The following AKAP19 variants were observed in gnomAD, a reference collection of about 807,000 sequenced individuals.
AKAP19 encodes small A-kinase anchoring protein.
chr2:190,076,135 A>G, the AKAP19 span, among the ~76,000 whole-genome samples: 2 of 152,178 alleles, frequency 1.3e-5, no homozygotes, highest in African/African-American at 4.8e-5. Flanking sequence ...AGCCTTAAGT[A>G]TTTATGCATA....
the AKAP19 span, among the ~76,000 whole-genome samples, chr2:190,085,660 A>G: frequency 6.6e-6 from 1 of 152,232 alleles, no homozygotes; most frequent in East Asian, 1.9e-4. Flanking sequence ...TAGTATGAGC[A>G]CGTTGTAGAT....
chr2:190,074,575 C>T, the AKAP19 span, among the ~76,000 whole-genome samples: 1 of 152,040 alleles, frequency 6.6e-6, no homozygotes, highest in South Asian at 2.1e-4. Context: ...CGCTTAAACC[C>T]GGGAGTTGGA....
the AKAP19 span, among the ~76,000 whole-genome samples, chr2:190,025,955 G>C: frequency 6.6e-6 from 1 of 152,054 alleles, no homozygotes; most frequent in Non-Finnish European, 1.5e-5. Flanking sequence ...CCCCAAGCAA[G>C]ACAGTCACTC....
At chr2:190,146,994 C>T in the AKAP19 span, among the ~76,000 whole-genome samples, 1 of 152,176 alleles carries the variant, frequency 6.6e-6, no homozygotes, top group Non-Finnish European at 1.5e-5. Context: ...TGCAAAAGCT[C>T]TTTAGTTTAA....
chr2:190,028,460 T>C, the AKAP19 span, among the ~76,000 whole-genome samples: 1 of 152,196 alleles, frequency 6.6e-6, no homozygotes, highest in African/African-American at 2.4e-5. Context: ...TCTTCTTAAG[T>C]GTTCATGAAA....
chr2:190,115,702 C>G, the AKAP19 span, among the ~76,000 whole-genome samples: 7 of 152,084 alleles, frequency 4.6e-5, no homozygotes, highest in Non-Finnish European at 1.0e-4. Context: ...TATTCTCAGT[C>G]CCTCCACTAG....
chr2:190,083,923 C>T, the AKAP19 span, among the ~76,000 whole-genome samples: 3,657 of 152,144 alleles, frequency 0.024, 89 homozygotes, highest in East Asian at 0.07. Flanking sequence ...GAGCAAGTTA[C>T]GGATCTTGAC....
the AKAP19 span, among the ~76,000 whole-genome samples, chr2:189,907,707 A>G: frequency 6.6e-6 from 1 of 152,110 alleles, no homozygotes; most frequent in Admixed American, 6.6e-5. Flanking sequence ...TCTGAGTAGT[A>G]GAATTATAGA....
the AKAP19 span, among the ~76,000 whole-genome samples, chr2:189,969,818 CCTCTT>C: frequency 6.8e-6 from 1 of 147,920 alleles, no homozygotes; most frequent in Non-Finnish European, 1.5e-5. Flanking sequence ...GTCCTTCCTT[CCTCTT>C]CTCTTCTCTT....
the AKAP19 span, among the ~76,000 whole-genome samples, chr2:190,182,747 G>A: frequency 6.6e-6 from 1 of 152,164 alleles, no homozygotes; most frequent in African/African-American, 2.4e-5. Context: ...GGCATTTGTA[G>A]TAAATACTCA....
the AKAP19 span, among the ~76,000 whole-genome samples, chr2:189,940,427 C>G: frequency 2.0e-5 from 3 of 149,832 alleles, no homozygotes; most frequent in Non-Finnish European, 4.4e-5. Flanking sequence ...GCCTGGGCAA[C>G]GGGGGGGAAA....
chr2:189,910,509 A>G, the AKAP19 span, among the ~76,000 whole-genome samples: 1 of 152,000 alleles, frequency 6.6e-6, no homozygotes, highest in Non-Finnish European at 1.5e-5. Flanking sequence ...TACTTTCCTA[A>G]TCAATTGTAG....
the AKAP19 span, among the ~76,000 whole-genome samples, chr2:190,137,134 A>G: frequency 6.6e-6 from 1 of 152,220 alleles, no homozygotes; most frequent in Admixed American, 6.5e-5. Flanking sequence ...TCAATAAGCT[A>G]GGCAATCCAG....
the AKAP19 span, among the ~76,000 whole-genome samples, chr2:189,963,283 C>T: frequency 6.6e-6 from 1 of 151,382 alleles, no homozygotes; most frequent in African/African-American, 2.4e-5. Flanking sequence ...CAAGCTTCAC[C>T]TCCCAGGTTC....
At chr2:189,930,267 C>T in the AKAP19 span, 1 of 405,154 alleles carries the variant, frequency 2.5e-6, no homozygotes, top group South Asian at 5.6e-5. Flanking sequence ...CACCCTGGCT[C>T]AATAGTCTAG....
the AKAP19 span, among the ~76,000 whole-genome samples, chr2:190,191,460 T>C: frequency 3.3e-5 from 5 of 152,294 alleles, no homozygotes; most frequent in Admixed American, 1.3e-4. Flanking sequence ...ACAATTTTTT[T>C]ATGTGAACAC....
the AKAP19 span, among the ~76,000 whole-genome samples, chr2:190,018,941 A>G: frequency 6.6e-6 from 1 of 152,142 alleles, no homozygotes; most frequent in Non-Finnish European, 1.5e-5. Flanking sequence ...GGATTCTGCA[A>G]TCGGGCAGAG....
chr2:190,137,015 C>T, the AKAP19 span, among the ~76,000 whole-genome samples: 4 of 152,176 alleles, frequency 2.6e-5, no homozygotes, highest in Non-Finnish European at 4.4e-5. Context: ...GTAAATGTGT[C>T]GACGTAGCAG....
chr2:189,944,467 C>CT, the AKAP19 span, among the ~76,000 whole-genome samples: 3 of 152,112 alleles, frequency 2.0e-5, no homozygotes, highest in Admixed American at 2.0e-4. Context: ...AATTAAACCT[C>CT]TTTTCTTTGT....
Sources: gnomAD v4.1 joint callset for allele counts (sites outside exome capture counted in the v4.1 genomes callset) on GRCh38, gnomAD v4.1.1 for gene constraint, MANE v1.5 for transcripts, NCBI Gene and HGNC (gene_info 2026-07-23, HGNC 2026-07-21) for gene names.